Variants in WDR7 observed in about 807,000 individuals in gnomAD.
WDR7 encodes WD repeat-containing protein 7.
Under a neutral mutation model 169.4 loss-of-function variants are expected in WDR7, and 46 were observed. The observed-to-expected ratio is 0.27, with a 90% CI of 0.21 to 0.35. WDR7 has a LOEUF of 0.35. WDR7 is among the 10% of genes least tolerant of loss of function. The pLI is 1.00. For synonymous variants in WDR7, 612 were observed against 666.8 expected (o/e 0.92, Z 1.27); for missense variants, 1,534 against 1,859.3 (o/e 0.83, Z 3.22).
chr18:56,665,879 G>T (rs1365443364), intron 1 of WDR7, among the ~76,000 whole-genome samples: 3 of 152,164 alleles, frequency 2.0e-5, no homozygotes, highest in African/African-American at 7.2e-5. Context: ...GTTGAGTCGT[G>T]ATGAGTCTCA....
chr18:57,007,809 T>C (rs974481287), intron 26 of WDR7, among the ~76,000 whole-genome samples: 2 of 152,210 alleles, frequency 1.3e-5, no homozygotes, highest in Non-Finnish European at 2.9e-5. Flanking sequence ...TCCTGTCGTT[T>C]TATCCTCATC....
chr18:56,918,286 G>T (rs915599255), intron 21 of WDR7, among the ~76,000 whole-genome samples: 24 of 152,254 alleles, frequency 1.6e-4, no homozygotes, highest in African/African-American at 5.8e-4. Flanking sequence ...ATTCCATCTT[G>T]TAACAAGTTG....
chr18:56,777,423 T>C (rs1033448975), intron 17 of WDR7, among the ~76,000 whole-genome samples: 12 of 152,176 alleles, frequency 7.9e-5, no homozygotes, highest in African/African-American at 2.9e-4. Context: ...AAATTCATTA[T>C]TTCAGTATTT....
chr18:56,821,290 C>A (rs1230549589), intron 20 of WDR7, among the ~76,000 whole-genome samples: 1 of 152,084 alleles, frequency 6.6e-6, no homozygotes, highest in Admixed American at 6.6e-5. Flanking sequence ...TGACAACTTT[C>A]TTTTATCAAG....
chr18:56,942,124 G>A (rs1034446543), intron 25 of WDR7, among the ~76,000 whole-genome samples: 12 of 152,156 alleles, frequency 7.9e-5, no homozygotes, highest in African/African-American at 2.4e-4. Flanking sequence ...GTCTAAAGAC[G>A]CCCTCTCCCC....
intron 20 of WDR7, among the ~76,000 whole-genome samples, chr18:56,817,336 T>A (rs529474617): frequency 2.1e-5 from 3 of 143,788 alleles, no homozygotes; most frequent in Non-Finnish European, 3.0e-5. Flanking sequence ...AGAGTGAGAC[T>A]CTGTCTCAAA....
At chr18:57,019,866 C>T (rs1011284399) in intron 26 of WDR7, among the ~76,000 whole-genome samples, 1 of 152,114 alleles carries the variant, frequency 6.6e-6, no homozygotes, top group Non-Finnish European at 1.5e-5. Flanking sequence ...AGGGAGGAGA[C>T]CAACCTACAG....
intron 20 of WDR7, among the ~76,000 whole-genome samples, chr18:56,857,496 A>G (rs1047221830): frequency 1.3e-5 from 2 of 152,108 alleles, no homozygotes; most frequent in African/African-American, 4.8e-5. Context: ...AGCTCAAGCA[A>G]TCTGCCTACC....
At chr18:56,934,705 G>A (rs181985701) in intron 22 of WDR7, among the ~76,000 whole-genome samples, 319 of 152,142 alleles carry the variant, frequency 2.1e-3, no homozygotes, top group Non-Finnish European at 3.4e-3. Context: ...TTAAAATAAT[G>A]GTTCTTAGAT....
At chr18:56,916,452 C>CT (rs2046627141) in intron 21 of WDR7, among the ~76,000 whole-genome samples, 1 of 152,206 alleles carries the variant, frequency 6.6e-6, no homozygotes, top group East Asian at 1.9e-4. Flanking sequence ...TGAACTCATC[C>CT]TTTTTTATGG....
chr18:57,011,283 T>C (rs2048132968), intron 26 of WDR7, among the ~76,000 whole-genome samples: 1 of 152,240 alleles, frequency 6.6e-6, no homozygotes, highest in African/African-American at 2.4e-5. Flanking sequence ...GCTCTTTCAA[T>C]TCATCAATGT....
Position 56,993,154 on chromosome 18 carries a change from T to C in WDR7, c.4165-27591T>C, listed in dbSNP as rs181590999. On this transcript the variant is annotated intron_variant, in intron 26 of 27. Transcript: ENST00000254442. ...AGAAACAAGGTACTTAGTAGATGAA[T>C]AAATTGGTCTCCTTAGAAGGAAAGT... Among the ~76,000 whole-genome samples, 6 of 152,342 alleles carry C rather than the reference T, an allele frequency of 3.9e-5. No individual in the cohort carries two copies. In the East Asian group the frequency reaches 1.2e-3, roughly 29 times the overall value.
intron 14 of WDR7, among the ~76,000 whole-genome samples, chr18:56,739,058 G>A (rs917051540): frequency 2.0e-5 from 3 of 148,170 alleles, no homozygotes; most frequent in African/African-American, 7.4e-5. Flanking sequence ...TTATCTCTTT[G>A]CTCTTCTCTT....
chr18:57,023,396 G>C (rs1235699746), intron 27 of WDR7, among the ~76,000 whole-genome samples: 1 of 152,170 alleles, frequency 6.6e-6, no homozygotes, highest in Non-Finnish European at 1.5e-5. Context: ...TAAAATCTTT[G>C]CTGAGAAATG....
intron 19 of WDR7, among the ~76,000 whole-genome samples, chr18:56,788,090 TA>T (rs1306460474): frequency 1.3e-5 from 2 of 152,198 alleles, no homozygotes; most frequent in African/African-American, 4.8e-5. Flanking sequence ...TCTAGATGAC[TA>T]AGGGTTTTTT....
intron 14 of WDR7, among the ~76,000 whole-genome samples, chr18:56,752,212 AG>A (rs1288306346): frequency 1.3e-5 from 2 of 152,180 alleles, no homozygotes; most frequent in African/African-American, 4.8e-5. Context: ...ATACTGCTTT[AG>A]TGGCTCCCGA....
intron 12 of WDR7, among the ~76,000 whole-genome samples, chr18:56,699,343 T>C (rs2025774139): frequency 6.6e-6 from 1 of 152,252 alleles, no homozygotes; most frequent in Non-Finnish European, 1.5e-5. Flanking sequence ...AATGCTTGAA[T>C]AGTCCCTCTC....
intron 20 of WDR7, among the ~76,000 whole-genome samples, chr18:56,855,444 G>A (rs1300429028): frequency 6.6e-6 from 1 of 151,958 alleles, no homozygotes; most frequent in African/African-American, 2.4e-5. Context: ...AGGGTGTTCA[G>A]GATCTTAAGA....
At chr18:56,686,738 TA>T in intron 6 of WDR7, 116 bp from the exon 7 acceptor site, 2 of 875,886 alleles carry the variant, frequency 2.3e-6, no homozygotes, top group South Asian at 1.6e-5. Flanking sequence ...CCTGAGGGGC[TA>T]AAATGATGAA....
Sources: gnomAD v4.1 joint callset for allele counts (sites outside exome capture counted in the v4.1 genomes callset) on GRCh38, gnomAD v4.1.1 for gene constraint, MANE v1.5 for transcripts, NCBI Gene and HGNC (gene_info 2026-07-23, HGNC 2026-07-21) for gene names.